NFIB: variants seen among roughly 807,000 people sequenced by gnomAD.
NFIB encodes nuclear factor 1 B-type.
In NFIB, 11 loss-of-function variants were observed where a neutral mutation model predicts 61.5. That is an observed-to-expected ratio of 0.18 (90% confidence interval 0.11 to 0.30). The LOEUF (loss-of-function observed/expected upper bound fraction) is 0.30, where lower values mean the gene tolerates loss of function less well. Among genes scored for constraint, NFIB ranks in the 10% least tolerant of loss-of-function variants. The pLI is 1.00. For missense variants in NFIB, 471 were observed against 608.9 expected, an observed-to-expected ratio of 0.77 and a Z score of 2.38; for synonymous variants, 260 against 216.5, an observed-to-expected ratio of 1.20 and a Z score of -1.76.
At chr9:14,398,974 C>A (rs899952652) in exon 1 of NFIB, 1 of 248,652 alleles carries the variant, frequency 4.0e-6, no homozygotes, top group Non-Finnish European at 7.7e-6. Flanking sequence ...TAGACCTGTA[C>A]TGCCCAATAT....
chr9:14,153,294 A>G (rs1347455125), intron 4 of NFIB, among the ~76,000 whole-genome samples: 1 of 152,148 alleles, frequency 6.6e-6, no homozygotes, highest in East Asian at 1.9e-4. Flanking sequence ...AACACGGCCA[A>G]AGTACTAAAA....
intron 10 of NFIB, 140 bp from the exon 11 acceptor site, chr9:14,088,466 G>T: frequency 1.1e-6 from 1 of 881,234 alleles, no homozygotes; most frequent in Non-Finnish European, 1.5e-6. Flanking sequence ...AGTCTAATAT[G>T]AGATAAATGT....
At chr9:14,177,655 C>A (rs73411989) in intron 3 of NFIB, among the ~76,000 whole-genome samples, 1 of 151,952 alleles carries the variant, frequency 6.6e-6, no homozygotes, top group East Asian at 1.9e-4. Flanking sequence ...ATAGAATCAA[C>A]GTACGATTTA....
chr9:14,457,146 C>G, the NFIB span, among the ~76,000 whole-genome samples: 1 of 152,082 alleles, frequency 6.6e-6, no homozygotes, highest in South Asian at 2.1e-4. Context: ...TATGAACATA[C>G]ACGTAAGTAC....
Position 14,313,913 on chromosome 9 carries a change from T to A in NFIB, c.-402A>T. 1.0e-6 allele frequency: 1 copy of A among 1,001,824 alleles called. No individual in the cohort carries two copies. The highest frequency in any genetic ancestry group is 1.2e-6 in the Non-Finnish European group (1 of 849,988). 62.1% of individuals were successfully genotyped at this position (1,001,824 alleles called of 1,614,324 possible). ...TTCGGTGTGGGTTGGATTGGGGTGGTGGTTGGTGGTAAAATGCTTTTTCAA... is the reference window on the plus strand; with the variant it reads ...TTCGGTGTGGGTTGGATTGGGGTGGAGGTTGGTGGTAAAATGCTTTTTCAA... On this transcript the variant is annotated 5_prime_UTR_variant, in exon 1 of 11. Coordinates refer to ENST00000380953, the MANE Select transcript of NFIB (RefSeq NM_001190737.2). The surrounding 1 kb of genome is among the most constrained non-coding windows in gnomAD (Gnocchi z 4.5).
chr9:14,260,496 G>A (rs1206573392), intron 2 of NFIB, among the ~76,000 whole-genome samples: 3 of 152,184 alleles, frequency 2.0e-5, no homozygotes, highest in Non-Finnish European at 4.4e-5. Context: ...TCGGACTCCA[G>A]GAAGGATTGT....
intron 2 of NFIB, among the ~76,000 whole-genome samples, chr9:14,203,268 G>A (rs978508707): frequency 2.6e-5 from 4 of 151,892 alleles, no homozygotes; most frequent in Non-Finnish European, 5.9e-5. Flanking sequence ...CATTCACAAT[G>A]TGCTTTCCTA....
chr9:14,529,798 T>C, the NFIB span, among the ~76,000 whole-genome samples: 1 of 152,194 alleles, frequency 6.6e-6, no homozygotes, highest in African/African-American at 2.4e-5. Flanking sequence ...AATACCAAAA[T>C]AAATTACGCA....
chr9:14,237,841 C>CTGTGTGTGTGTGTGTG lies in NFIB; in HGVS notation c.563-58062_563-58061insCACACACACACACACA, dbSNP rs1563932702. On this transcript the variant is annotated intron_variant, in intron 2 of 10. Transcript: ENST00000380953. The stretch of plus-strand genomic sequence containing the variant: ...AAGCTCCTCACCCTGCTAGGTATAA[C>CTGTGTGTGTGTGTGTG]AGTGTGTGTGTGTGTGTGTGTGTGT... Among the ~76,000 whole-genome samples, 3 of 26,000 alleles carry CTGTGTGTGTGTGTGTG rather than the reference C, an allele frequency of 1.2e-4. 1 individual carries two copies. The highest frequency in any genetic ancestry group is 2.6e-3 in the East Asian group (2 of 780). The allele number at this position is 26,000 out of a possible 152,430, so 17.1% of individuals were successfully genotyped here. A position where few individuals can be genotyped will look rare whatever the true frequency, so the allele number is the denominator to read the frequency against.
At chr9:14,401,928 T>C (rs1588427130), upstream of NFIB, among the ~76,000 whole-genome samples, 1 of 152,344 alleles carries the variant, frequency 6.6e-6, no homozygotes, top group African/African-American at 2.4e-5. Flanking sequence ...GTCAAAGTAC[T>C]GTCACAAGTA....
At chr9:14,396,600 A>G (rs2061690093) in intron 1 of NFIB, among the ~76,000 whole-genome samples, 1 of 152,218 alleles carries the variant, frequency 6.6e-6, no homozygotes, top group South Asian at 2.1e-4. Flanking sequence ...AACTGTGGGA[A>G]AAATTGGCAC....
At chr9:14,390,940 G>A (rs1351345641) in intron 1 of NFIB, among the ~76,000 whole-genome samples, 2 of 152,098 alleles carry the variant, frequency 1.3e-5, no homozygotes, top group Non-Finnish European at 2.9e-5. Context: ...CAAAAGTGAA[G>A]CACAAAATTT....
chr9:14,459,319 G>C, the NFIB span, among the ~76,000 whole-genome samples: 1 of 152,164 alleles, frequency 6.6e-6, no homozygotes, highest in African/African-American at 2.4e-5. Flanking sequence ...GCCATATGTA[G>C]AAAGCTGAAA....
intron 1 of NFIB, among the ~76,000 whole-genome samples, chr9:14,344,078 G>A (rs911037551): frequency 6.7e-6 from 1 of 148,686 alleles, no homozygotes; most frequent in Non-Finnish European, 1.5e-5. Context: ...ATATGCTGAG[G>A]ACCTTTAAAG....
intron 1 of NFIB, among the ~76,000 whole-genome samples, chr9:14,350,514 TG>T (rs35774336): frequency 2.1e-5 from 3 of 140,092 alleles, no homozygotes; most frequent in South Asian, 2.3e-4. Flanking sequence ...CTGGGTGGGG[TG>T]GGGGGGGAAG....
chr9:14,231,995 G>A (rs534114252), intron 2 of NFIB, among the ~76,000 whole-genome samples: 1 of 152,276 alleles, frequency 6.6e-6, no homozygotes, highest in African/African-American at 2.4e-5. Context: ...AAGAAACAAG[G>A]TCTTCGCCAA....
intron 2 of NFIB, among the ~76,000 whole-genome samples, chr9:14,238,876 T>G (rs925817101): frequency 1.4e-4 from 21 of 152,304 alleles, no homozygotes; most frequent in East Asian, 1.9e-4. Context: ...AATGAATGAA[T>G]GAAGGAAATT....
chr9:14,203,623 T>C (rs1007569832), intron 2 of NFIB, among the ~76,000 whole-genome samples: 1 of 152,194 alleles, frequency 6.6e-6, no homozygotes, highest in Non-Finnish European at 1.5e-5. Context: ...CCTCCTGAAA[T>C]GTCGCCGGCC....
the NFIB span, among the ~76,000 whole-genome samples, chr9:14,492,617 A>C: frequency 1.3e-5 from 2 of 152,112 alleles, no homozygotes; most frequent in African/African-American, 4.8e-5. Context: ...AAATGACCGG[A>C]TCTCACGGGA....
Sources: allele counts gnomAD v4.1 joint callset (sites outside exome capture counted in the v4.1 genomes callset), GRCh38; gene constraint gnomAD v4.1.1; non-coding constraint Gnocchi (gnomAD v3.1); transcripts MANE v1.5; gene names NCBI Gene and HGNC (gene_info 2026-07-23, HGNC 2026-07-21).